Variants in KLHL1 observed in about 807,000 individuals in gnomAD.
KLHL1 encodes kelch like family member 1.
KLHL1 carries 47 observed loss-of-function variants against 77.7 expected under a neutral mutation model. The ratio of observed to expected loss-of-function variants is 0.60; its 90% confidence interval spans 0.48 to 0.77. The LOEUF (loss-of-function observed/expected upper bound fraction) is 0.77. Among genes scored for constraint, KLHL1 ranks in the 30% least tolerant of loss-of-function variants. The pLI, the probability that KLHL1 is intolerant of heterozygous loss-of-function variation, is 0.00. For synonymous variants in KLHL1, 360 were observed against 325.2 expected (o/e 1.11, Z -1.15); for missense variants, 925 against 910.8 (o/e 1.02, Z -0.20).
At chr13:69,862,148 TAAAG>T (rs1485531141) in intron 5 of KLHL1, among the ~76,000 whole-genome samples, 1 of 151,984 alleles carries the variant, frequency 6.6e-6, no homozygotes, top group Non-Finnish European at 1.5e-5. Flanking sequence ...GATAACATAA[TAAAG>T]ATTTTGAACA....
chr13:69,939,338 TAC>T (rs1410378956), intron 4 of KLHL1, among the ~76,000 whole-genome samples: 6 of 65,000 alleles, frequency 9.2e-5, no homozygotes, highest in East Asian at 8.7e-4. Context: ...TACATATACA[TAC>T]ATATATATAT....
chr13:69,929,425 GT>G (rs879378744), intron 4 of KLHL1, among the ~76,000 whole-genome samples: 14 of 151,884 alleles, frequency 9.2e-5, no homozygotes, highest in Admixed American at 9.2e-4. Context: ...AAACAGAAGA[GT>G]AAAAACATAT....
At chr13:69,739,720 T>C (rs973103051) in intron 8 of KLHL1, among the ~76,000 whole-genome samples, 4 of 152,294 alleles carry the variant, frequency 2.6e-5, no homozygotes, top group African/African-American at 9.6e-5. Context: ...TAAATAAGAC[T>C]GAAGAGAAAA....
intron 7 of KLHL1, among the ~76,000 whole-genome samples, chr13:69,742,658 A>G (rs1593790086): frequency 1.3e-5 from 2 of 152,336 alleles, no homozygotes; most frequent in South Asian, 4.1e-4. Context: ...TTACACAATT[A>G]TACAATTATA....
chr13:69,968,542 TAA>T (rs55794521), intron 2 of KLHL1, among the ~76,000 whole-genome samples: 60 of 146,302 alleles, frequency 4.1e-4, no homozygotes, highest in Admixed American at 4.8e-4. Context: ...GGTTGAAATT[TAA>T]AAAAAAAAAA....
chr13:70,014,931 C>T (rs900622743), intron 1 of KLHL1, among the ~76,000 whole-genome samples: 5 of 151,994 alleles, frequency 3.3e-5, no homozygotes, highest in South Asian at 2.1e-4. Flanking sequence ...TTTAAAACAA[C>T]ACATTTAATA....
At chr13:70,009,225 CGAA>C (rs560067812) in intron 1 of KLHL1, among the ~76,000 whole-genome samples, 1 of 152,084 alleles carries the variant, frequency 6.6e-6, no homozygotes, top group South Asian at 2.1e-4. Flanking sequence ...GTGCTTTGAA[CGAA>C]GACTACACAC....
intron 2 of KLHL1, among the ~76,000 whole-genome samples, chr13:69,965,930 A>G (rs1884198625): frequency 6.6e-6 from 1 of 152,170 alleles, no homozygotes; most frequent in African/African-American, 2.4e-5. Flanking sequence ...AGAAAAGTAC[A>G]AAGTTGGCAG....
At chr13:69,770,759 T>C (rs1875525326) in intron 7 of KLHL1, among the ~76,000 whole-genome samples, 1 of 152,154 alleles carries the variant, frequency 6.6e-6, no homozygotes, top group Non-Finnish European at 1.5e-5. Context: ...ATTACTACTA[T>C]TATTTTTGAC....
chr13:69,825,608 T>G (rs1329628507), intron 6 of KLHL1, among the ~76,000 whole-genome samples: 1 of 152,052 alleles, frequency 6.6e-6, no homozygotes, highest in East Asian at 1.9e-4. Context: ...GAGAGCTGGG[T>G]GGATGGGACT....
chr13:70,106,079 A>G (rs1888048440), intron 1 of KLHL1, among the ~76,000 whole-genome samples: 2 of 151,276 alleles, frequency 1.3e-5, no homozygotes, highest in African/African-American at 4.8e-5. Flanking sequence ...ATATATACAT[A>G]CACACACATA....
intron 4 of KLHL1, among the ~76,000 whole-genome samples, chr13:69,886,385 TTTTG>T (rs1048354709): frequency 6.6e-6 from 1 of 151,884 alleles, no homozygotes; most frequent in African/African-American, 2.4e-5. Context: ...CCAGTTTTTT[TTTTG>T]TTTGTTTAAT....
chr13:69,701,907 A>G, intron 10 of KLHL1, 146 bp from the exon 11 acceptor site: 1 of 517,064 alleles, frequency 1.9e-6, no homozygotes. Context: ...AAAAATGAAA[A>G]CACTGAAAAT....
intron 1 of KLHL1, among the ~76,000 whole-genome samples, chr13:70,018,210 C>A (rs915280092): frequency 4.6e-5 from 7 of 152,154 alleles, no homozygotes; most frequent in African/African-American, 1.7e-4. Context: ...TATGTTAATA[C>A]AATCGTTACT....
chr13:70,035,305 T>C (rs998421712), intron 1 of KLHL1, among the ~76,000 whole-genome samples: 2 of 152,036 alleles, frequency 1.3e-5, no homozygotes, highest in African/African-American at 4.8e-5. Flanking sequence ...CTGGAGATCA[T>C]GATATTAAGT....
intron 7 of KLHL1, among the ~76,000 whole-genome samples, chr13:69,756,233 CTG>C (rs1252703156): frequency 1.3e-5 from 2 of 152,114 alleles, no homozygotes; most frequent in African/African-American, 4.8e-5. Context: ...TTGGATAACT[CTG>C]TGGCAGTTAT....
At chr13:69,837,049 T>G (rs1045304852) in intron 6 of KLHL1, among the ~76,000 whole-genome samples, 1 of 151,982 alleles carries the variant, frequency 6.6e-6, no homozygotes, top group Non-Finnish European at 1.5e-5. Context: ...CTTACTCATA[T>G]AAAAAGGTTT....
chr13:69,887,985 C>T (rs1163411513), intron 4 of KLHL1, among the ~76,000 whole-genome samples: 1 of 152,150 alleles, frequency 6.6e-6, no homozygotes, highest in Non-Finnish European at 1.5e-5. Flanking sequence ...ATTTTCTGAG[C>T]TGCTATAAAA....
At chr13:69,936,418 G>C (rs554475286) in intron 4 of KLHL1, among the ~76,000 whole-genome samples, 1 of 124,170 alleles carries the variant, frequency 8.1e-6, no homozygotes, top group Non-Finnish European at 1.9e-5. Context: ...GTGAAACCTC[G>C]TCTCTACTAA....
Sources: gnomAD v4.1 joint callset for allele counts (sites outside exome capture counted in the v4.1 genomes callset) on GRCh38, gnomAD v4.1.1 for gene constraint, MANE v1.5 for transcripts, NCBI Gene and HGNC (gene_info 2026-07-23, HGNC 2026-07-21) for gene names.